The following F2RL1 variants were observed in gnomAD, a reference collection of about 807,000 sequenced individuals.
F2RL1 encodes F2R like trypsin receptor 1, also known as proteinase-activated receptor 2.
Under a neutral mutation model 21.7 loss-of-function variants are expected in F2RL1, and 16 were observed. The ratio of observed to expected loss-of-function variants is 0.74; its 90% CI spans 0.50 to 1.12. F2RL1 has a LOEUF of 1.12. Ranked by LOEUF, F2RL1 falls within the 50% of genes most tolerant of loss-of-function variation. The pLI is 0.00. For missense variants in F2RL1, 432 were observed against 477.8 expected, an observed-to-expected ratio of 0.90 and a Z score of 0.89; for synonymous variants, 181 against 186.7, an observed-to-expected ratio of 0.97 and a Z score of 0.25.
rs1404245332 is a variant in F2RL1, at chr5:76,833,733, T to G, written c.1126T>G (p.Ser376Ala). The G allele has an allele frequency of 6.2e-7, 1 of 1,613,926 alleles. No homozygotes were observed. The highest frequency in any genetic ancestry group is 2.2e-5 in the East Asian group (1 of 44,840). ...AAAGCAGATGCAAGTATCCCTCACC[T>G]CAAAGAAACACTCCAGGAAATCCAG... Reference protein sequence around the residue: ...TVKQMQVSLTSKKHSRKSSSY... With the variant: ...TVKQMQVSLTAKKHSRKSSSY... Residue 376 changes from serine (S) to alanine (A), a missense_variant, in exon 2 of 2, where the codon TCA becomes GCA. By Grantham distance (99) the Ser-to-Ala change is moderately conservative. Coordinates refer to ENST00000296677, the MANE Select transcript of F2RL1 (RefSeq NM_005242.6).
Position 76,819,152 on chromosome 5 carries a change from C to T in F2RL1, c.-31C>T. On this transcript the variant is annotated 5_prime_UTR_variant, in exon 1 of 2. Coordinates refer to ENST00000296677, the MANE Select transcript of F2RL1 (RefSeq NM_005242.6). The stretch of plus-strand genomic sequence containing the variant: ...TTTCGAATCGGCGGCGGCGGATTCC[C>T]CGCGCGCCCGGCGTCGGGGCTTCCA... The T allele has an allele frequency of 1.3e-6, 2 of 1,551,920 alleles. No homozygotes were observed. Among genetic ancestry groups the T allele is most frequent in the Non-Finnish European group, 1.7e-6 (2 of 1,155,410 alleles).
rs576281652 is a variant in F2RL1, at chr5:76,819,136, G to C, written c.-47G>C. On this transcript the variant is annotated 5_prime_UTR_variant, in exon 1 of 2. Coordinates refer to ENST00000296677, the MANE Select transcript of F2RL1 (RefSeq NM_005242.6). ...CCAGTGGAGCTCTGAGTTTCGAATCGGCGGCGGCGGATTCCCCGCGCGCCC... is the reference window on the plus strand; with the variant it reads ...CCAGTGGAGCTCTGAGTTTCGAATCCGCGGCGGCGGATTCCCCGCGCGCCC... The C allele has an allele frequency of 1.3e-6, 2 of 1,481,908 alleles. No individual in the cohort carries two copies. Among genetic ancestry groups the C allele is most frequent in the Non-Finnish European group, 1.8e-6 (2 of 1,095,256 alleles). The allele number at this position is 1,481,908 out of a possible 1,614,324, so 91.8% of individuals were successfully genotyped here.
At chr5:76,822,763 ATTT>A (rs1374109207) in intron 1 of F2RL1, among the ~76,000 whole-genome samples, 1 of 151,998 alleles carries the variant, frequency 6.6e-6, no homozygotes, top group Non-Finnish European at 1.5e-5. Flanking sequence ...TGAAACCTTT[ATTT>A]TTCAGTCTGT....
intron 1 of F2RL1, among the ~76,000 whole-genome samples, chr5:76,831,872 C>T (rs1294507657): frequency 6.6e-6 from 1 of 151,910 alleles, no homozygotes; most frequent in Non-Finnish European, 1.5e-5. Flanking sequence ...TGTTGTTGGT[C>T]ATGTGATAAG....
rs374121194 is a variant in F2RL1 at position 76,833,260 on chromosome 5, T to C, written c.653T>C (p.Ile218Thr). The stretch of plus-strand genomic sequence containing the variant: ...TATGTCGTGAAGCAGACCATCTTCA[T>C]TCCTGCCCTGAACATCACGACCTGT... ...PLYVVKQTIF[I>T]PALNITTCHD... is the part of the protein sequence containing the mutation. The change falls in exon 2 of 2, where the codon ATT becomes ACT. Residue 218 changes from isoleucine (I) to threonine (T), a missense_variant. By Grantham distance (89) the Ile-to-Thr change is moderately conservative (BLOSUM62 -1). Coordinates refer to ENST00000296677, the MANE Select transcript of F2RL1 (RefSeq NM_005242.6). 5 of 1,613,796 alleles carry C rather than the reference T, an allele frequency of 3.1e-6. No homozygotes were observed. Among genetic ancestry groups the C allele is most frequent in the Non-Finnish European group, 4.2e-6 (5 of 1,179,998 alleles).
At chr5:76,823,492 C>A (rs1750181536) in intron 1 of F2RL1, among the ~76,000 whole-genome samples, 1 of 151,152 alleles carries the variant, frequency 6.6e-6, no homozygotes, top group Non-Finnish European at 1.5e-5. Context: ...GATTCTCCTG[C>A]CTCAGCCTCT....
chr5:76,831,517 C>T (rs1750347355), intron 1 of F2RL1, among the ~76,000 whole-genome samples: 1 of 149,614 alleles, frequency 6.7e-6, no homozygotes, highest in South Asian at 2.1e-4. Flanking sequence ...AAAGGAATTA[C>T]TGCACATTCC....
At chr5:76,832,609 AT>A in intron 1 of F2RL1, 80 bp from the exon 2 acceptor site, 2 of 1,321,218 alleles carry the variant, frequency 1.5e-6, no homozygotes, top group Non-Finnish European at 2.1e-6. Flanking sequence ...GAATAAATGA[AT>A]GTACTTTCAT....
intron 1 of F2RL1, among the ~76,000 whole-genome samples, chr5:76,823,645 C>T (rs1750183878): frequency 1.3e-5 from 2 of 152,098 alleles, no homozygotes; most frequent in South Asian, 4.1e-4. Context: ...TCCCAAAGTG[C>T]TGGGATTATA....
At chr5:76,823,015 G>C (rs1204249513) in intron 1 of F2RL1, among the ~76,000 whole-genome samples, 4 of 152,172 alleles carry the variant, frequency 2.6e-5, no homozygotes, top group African/African-American at 4.8e-5. Context: ...TGGATCACAA[G>C]GTCAGGAGAT....
chr5:76,833,905 A>G lies in F2RL1; in HGVS notation c.*104A>G. 3.8e-5 allele frequency: 46 copies of G among 1,222,848 alleles called. No individual in the cohort carries two copies. The highest frequency in any genetic ancestry group is 5.1e-5 in the Non-Finnish European group (45 of 874,168). 75.7% of individuals were successfully genotyped at this position (1,222,848 alleles called of 1,614,324 possible). ...CCTAATCAAAAAGGTCTCACCACATACCATGTGGATGCAGCACCTCTCAGG... is the reference window on the plus strand; with the variant it reads ...CCTAATCAAAAAGGTCTCACCACATGCCATGTGGATGCAGCACCTCTCAGG... On this transcript the variant is annotated 3_prime_UTR_variant, in exon 2 of 2. Transcript: ENST00000296677.
intron 1 of F2RL1, among the ~76,000 whole-genome samples, chr5:76,831,346 G>T (rs1158554324): frequency 6.6e-6 from 1 of 151,994 alleles, no homozygotes; most frequent in Non-Finnish European, 1.5e-5. Context: ...TGTGGTCCTG[G>T]AATCTCCCTG....
intron 1 of F2RL1, among the ~76,000 whole-genome samples, chr5:76,826,209 A>G (rs905628467): frequency 6.6e-6 from 1 of 151,916 alleles, no homozygotes; most frequent in African/African-American, 2.4e-5. Flanking sequence ...ATTCCATATC[A>G]GATAATTTGC....
At chr5:76,830,309 ACT>A (rs1303807456) in intron 1 of F2RL1, among the ~76,000 whole-genome samples, 1 of 151,958 alleles carries the variant, frequency 6.6e-6, no homozygotes, top group Non-Finnish European at 1.5e-5. Context: ...ACAGACTTTA[ACT>A]CTGTCGCCCA....
intron 1 of F2RL1, among the ~76,000 whole-genome samples, chr5:76,831,273 A>G (rs1215389729): frequency 6.6e-6 from 1 of 152,154 alleles, no homozygotes; most frequent in Non-Finnish European, 1.5e-5. Flanking sequence ...AAACCAGCAC[A>G]TGAGCAGGGA....
intron 1 of F2RL1, among the ~76,000 whole-genome samples, chr5:76,823,416 GCT>G (rs1750179982): frequency 6.9e-6 from 1 of 145,036 alleles, no homozygotes; most frequent in African/African-American, 2.7e-5. Context: ...TGTCGCCCAG[GCT>G]GGAGGGCTGG....
intron 1 of F2RL1, among the ~76,000 whole-genome samples, chr5:76,824,540 G>A (rs915987540): frequency 5.3e-5 from 8 of 151,658 alleles, no homozygotes; most frequent in African/African-American, 7.3e-5. Flanking sequence ...TGTTGGCCAC[G>A]CTGATCTCAA....
rs1750073903 is a variant in F2RL1, at chr5:76,819,059, A to T, written c.-124A>T. The T allele has an allele frequency of 1.3e-6, 1 of 762,060 alleles. No individual in the cohort carries two copies. The highest frequency in any genetic ancestry group is 2.1e-6 in the Non-Finnish European group (1 of 479,678). 47.2% of individuals were successfully genotyped at this position (762,060 alleles called of 1,614,324 possible). Reference sequence around the variant, plus strand: ...CCTAACCCGCCCTGGGGAGGCGCGCAGCAGAGGCTCCGATTCGGGGCAGGT... The same window carrying T: ...CCTAACCCGCCCTGGGGAGGCGCGCTGCAGAGGCTCCGATTCGGGGCAGGT... On this transcript the variant is annotated 5_prime_UTR_variant, in exon 1 of 2. Coordinates refer to ENST00000296677, the MANE Select transcript of F2RL1 (RefSeq NM_005242.6).
chr5:76,829,949 T>C (rs187368341), intron 1 of F2RL1, among the ~76,000 whole-genome samples: 1 of 152,274 alleles, frequency 6.6e-6, no homozygotes, highest in African/African-American at 2.4e-5. Context: ...ATAAAAAAAA[T>C]AGAACCACTA....
Sources: gnomAD v4.1 joint callset for allele counts (sites outside exome capture counted in the v4.1 genomes callset) on GRCh38, gnomAD v4.1.1 for gene constraint, MANE v1.5 for transcripts, NCBI Gene and HGNC (gene_info 2026-07-23, HGNC 2026-07-21) for gene names.